URI1: variants seen among roughly 807,000 people sequenced by gnomAD.
The protein encoded by URI1 is unconventional prefoldin RPB5 interactor 1.
In URI1, 39 loss-of-function variants were observed where a neutral mutation model predicts 60.2. That is an observed-to-expected ratio of 0.65 (90% CI 0.50 to 0.85). The LOEUF is 0.85. Ranked by LOEUF, URI1 falls within the 40% of genes least tolerant of loss-of-function variation. The probability of loss-of-function intolerance (pLI) is 0.00; values close to 1 mark genes in which losing one functional copy is unlikely to be tolerated. For missense variants in URI1, 691 were observed against 665.9 expected (o/e 1.04, Z -0.42); for synonymous variants, 251 against 236.8 (o/e 1.06, Z -0.55).
At chr19:29,996,394 G>A (rs915096940) in intron 4 of URI1, among the ~76,000 whole-genome samples, 2 of 152,070 alleles carry the variant, frequency 1.3e-5, no homozygotes, top group African/African-American at 2.4e-5. Context: ...CATTGTTAGT[G>A]CATAGAAATG....
At chr19:29,978,953 A>G (rs532078675) in intron 2 of URI1, among the ~76,000 whole-genome samples, 1 of 152,258 alleles carries the variant, frequency 6.6e-6, no homozygotes, top group South Asian at 2.1e-4. Flanking sequence ...TGCTGAAACT[A>G]TATGTAAAAT....
chr19:29,979,718 A>C (rs2055568908), intron 2 of URI1, among the ~76,000 whole-genome samples: 1 of 151,908 alleles, frequency 6.6e-6, no homozygotes, highest in Non-Finnish European at 1.5e-5. Context: ...TGGACTCATA[A>C]AATATAAAGA....
chr19:29,938,462 G>A (rs1403560559), upstream of URI1, among the ~76,000 whole-genome samples: 1 of 151,946 alleles, frequency 6.6e-6, no homozygotes, highest in Non-Finnish European at 1.5e-5. Flanking sequence ...CTCCCACTAG[G>A]CCCCACTTCC....
intron 2 of URI1, among the ~76,000 whole-genome samples, chr19:29,978,457 T>A (rs920323820): frequency 2.0e-5 from 3 of 152,184 alleles, no homozygotes; most frequent in Non-Finnish European, 4.4e-5. Context: ...CTGTATTAGG[T>A]TTGAAAACTG....
At chr19:29,962,028 T>A (rs1486587041) in intron 1 of URI1, among the ~76,000 whole-genome samples, 1 of 152,192 alleles carries the variant, frequency 6.6e-6, no homozygotes, top group Non-Finnish European at 1.5e-5. Context: ...AATTTCTGGA[T>A]CATATGGTAA....
At chr19:29,973,567 A>C (rs2055485545) in intron 2 of URI1, among the ~76,000 whole-genome samples, 1 of 152,160 alleles carries the variant, frequency 6.6e-6, no homozygotes, top group African/African-American at 2.4e-5. Flanking sequence ...GGATTCTTTA[A>C]GGAACAAGTA....
chr19:29,931,136 G>C (rs1458516850), intron 1 of URI1, among the ~76,000 whole-genome samples: 1 of 152,058 alleles, frequency 6.6e-6, no homozygotes, highest in Non-Finnish European at 1.5e-5. Flanking sequence ...ACAAATTTTA[G>C]GACCAGTTTG....
chr19:29,937,532 T>C (rs2054984019), upstream of URI1: 1 of 152,258 alleles, frequency 6.6e-6, no homozygotes, highest in Non-Finnish European at 1.5e-5. Context: ...TTTTTGCTTG[T>C]TGAGGGTTGC....
intron 1 of URI1, among the ~76,000 whole-genome samples, chr19:29,966,398 A>G (rs1427573133): frequency 1.3e-5 from 2 of 152,134 alleles, no homozygotes; most frequent in African/African-American, 2.4e-5. Context: ...TGGGCCTCAA[A>G]GTGCTAAGAT....
intron 1 of URI1, among the ~76,000 whole-genome samples, chr19:29,961,981 G>A (rs1007941447): frequency 2.0e-5 from 3 of 152,064 alleles, no homozygotes; most frequent in Non-Finnish European, 4.4e-5. Flanking sequence ...CACTGCGCCC[G>A]GCTGCTTTCG....
chr19:29,931,453 T>G (rs1053252079), intron 1 of URI1, among the ~76,000 whole-genome samples: 3 of 152,140 alleles, frequency 2.0e-5, no homozygotes. Flanking sequence ...CTGGTATCTC[T>G]GCCAGGATAG....
At chr19:30,006,192 C>T (rs2055940477) in intron 6 of URI1, among the ~76,000 whole-genome samples, 1 of 152,074 alleles carries the variant, frequency 6.6e-6, no homozygotes, top group Non-Finnish European at 1.5e-5. Flanking sequence ...CCATCTCCAC[C>T]CAGTAGATTT....
At chr19:29,976,136 G>C (rs162923) in intron 2 of URI1, among the ~76,000 whole-genome samples, 4,193 of 152,160 alleles carry the variant, frequency 0.028, 202 homozygotes, top group African/African-American at 0.096. Flanking sequence ...ATTGCTACAT[G>C]ACTGAGAGTA....
chr19:29,930,477 C>T (rs2054906979), intron 1 of URI1, among the ~76,000 whole-genome samples: 3 of 151,442 alleles, frequency 2.0e-5, no homozygotes. Context: ...CATTCTTTTG[C>T]ATGTGGATAT....
At chr19:29,941,808 GAA>G (rs2055027385), upstream of URI1, among the ~76,000 whole-genome samples, 1 of 152,040 alleles carries the variant, frequency 6.6e-6, no homozygotes, top group Non-Finnish European at 1.5e-5. Context: ...AAAAGGCACA[GAA>G]AGAGTTGAAT....
At chr19:30,011,750 T>C (rs1482231342) in intron 9 of URI1, among the ~76,000 whole-genome samples, 2 of 152,116 alleles carry the variant, frequency 1.3e-5, no homozygotes, top group South Asian at 4.1e-4. Flanking sequence ...TCTAAAACTT[T>C]ATGTAGAATT....
chr19:29,941,596 G>A (rs1475889743), upstream of URI1, among the ~76,000 whole-genome samples: 5 of 150,908 alleles, frequency 3.3e-5, no homozygotes, highest in Non-Finnish European at 5.9e-5. Context: ...ACTCCAGCCC[G>A]GGCGACAGAC....
At chr19:29,973,415 TAG>T (rs1424214445) in intron 2 of URI1, among the ~76,000 whole-genome samples, 13 of 152,204 alleles carry the variant, frequency 8.5e-5, no homozygotes, top group Non-Finnish European at 1.0e-4. Context: ...CCCTTGGTAT[TAG>T]CCTAGTCTAA....
chr19:29,985,431 G>T, intron 3 of URI1, 130 bp downstream of exon 3: 1 of 653,330 alleles, frequency 1.5e-6, no homozygotes, highest in Non-Finnish European at 2.4e-6. Context: ...GATTTGTTTT[G>T]TTTTACTTTA....
Sources: gnomAD v4.1 joint callset for allele counts (sites outside exome capture counted in the v4.1 genomes callset) on GRCh38, gnomAD v4.1.1 for gene constraint, MANE v1.5 for transcripts, NCBI Gene and HGNC (gene_info 2026-07-23, HGNC 2026-07-21) for gene names.